PCNX1: variants seen among roughly 807,000 people sequenced by gnomAD.
PCNX1 encodes pecanex-like protein 1.
Under a neutral mutation model 242.2 loss-of-function variants are expected in PCNX1, and 78 were observed. The ratio of observed to expected loss-of-function variants is 0.32; its 90% confidence interval spans 0.27 to 0.39. PCNX1 has a LOEUF of 0.39. Among genes scored for constraint, PCNX1 ranks in the 10% least tolerant of loss-of-function variants. The probability of loss-of-function intolerance (pLI) is 1.00; values close to 1 mark genes in which losing one functional copy is unlikely to be tolerated. For missense variants in PCNX1, 2,581 were observed against 2,856.5 expected (o/e 0.90, Z 2.20); for synonymous variants, 1,024 against 1,032.9 (o/e 0.99, Z 0.17).
At chr14:71,004,628 G>C (rs12100745) in intron 8 of PCNX1, among the ~76,000 whole-genome samples, 16 of 152,254 alleles carry the variant, frequency 1.1e-4, no homozygotes, top group African/African-American at 3.9e-4. Flanking sequence ...TTGGGGGCCA[G>C]AAAGGTTGGG....
intron 1 of PCNX1, among the ~76,000 whole-genome samples, chr14:70,932,907 CG>C (rs2056860927): frequency 6.6e-6 from 1 of 152,056 alleles, no homozygotes; most frequent in Admixed American, 6.6e-5. Flanking sequence ...CCACCACGCC[CG>C]GCCAAGAAGT....
intron 30 of PCNX1, among the ~76,000 whole-genome samples, chr14:71,096,504 C>A (rs1416464283): frequency 6.6e-6 from 1 of 152,086 alleles, no homozygotes; most frequent in Non-Finnish European, 1.5e-5. Flanking sequence ...AATTACTATG[C>A]CTGTATCTGG....
intron 5 of PCNX1, among the ~76,000 whole-genome samples, chr14:70,974,879 A>T (rs117721202): frequency 0.012 from 1,769 of 152,338 alleles, 21 homozygotes; most frequent in Non-Finnish European, 0.02. Flanking sequence ...TATGGGTAAC[A>T]GTAAGAAAAA....
intron 1 of PCNX1, among the ~76,000 whole-genome samples, chr14:70,941,383 T>G (rs533038990): frequency 3.3e-5 from 5 of 152,336 alleles, no homozygotes; most frequent in African/African-American, 7.2e-5. Flanking sequence ...TATTGGAGTT[T>G]GCTGGAGGTC....
rs749537800 is a variant in PCNX1 at position 70,907,808 on chromosome 14, ACGGCGGCGGCGGCGG to A, written c.-37_-23del. ...AGGCCGAGCTGGGGCCGGGGCGGGG[ACGGCGGCGGCGGCGG>A]CGGCGACGGCGGCGGCGCCGGGTGG... is the stretch of plus-strand genomic sequence containing the variant. On this transcript the variant is annotated 5_prime_UTR_variant, in exon 1 of 36. Transcript: ENST00000304743. 132 of 1,216,740 alleles carry A rather than the reference ACGGCGGCGGCGGCGG, an allele frequency of 1.1e-4. 3 individuals carry two copies. The highest frequency in any genetic ancestry group is 1.3e-4 in the Non-Finnish European group (128 of 978,508). The allele number at this position is 1,216,740 out of a possible 1,614,324, so 75.4% of individuals were successfully genotyped here. A position where few individuals can be genotyped will look rare whatever the true frequency, so the allele number is the denominator to read the frequency against.
intron 5 of PCNX1, among the ~76,000 whole-genome samples, chr14:70,973,326 A>G (rs1054438349): frequency 1.3e-5 from 2 of 152,072 alleles, no homozygotes; most frequent in Non-Finnish European, 2.9e-5. Flanking sequence ...TAAGAAGTCC[A>G]GGAGACTGAG....
At chr14:70,912,680 CTG>C (rs1349887594) in intron 1 of PCNX1, among the ~76,000 whole-genome samples, 5 of 152,068 alleles carry the variant, frequency 3.3e-5, no homozygotes, top group Non-Finnish European at 5.9e-5. Flanking sequence ...AGACATAAAT[CTG>C]TGTCATTCTT....
In PCNX1 at chr14:71,114,353, CTG is replaced by C. The variant is rs2062812667; in HGVS notation, c.*4421_*4422del. 1 of 152,086 alleles carries C rather than the reference CTG, an allele frequency of 6.6e-6. No homozygotes were observed. The highest frequency in any genetic ancestry group is 1.5e-5 in the Non-Finnish European group (1 of 68,026). 9.4% of individuals were successfully genotyped at this position (152,086 alleles called of 1,614,324 possible). A position where few individuals can be genotyped will look rare whatever the true frequency, so the allele number is the denominator to read the frequency against. Reference sequence around the variant, plus strand: ...TTGTTAAATGTCTGTCTAGGAAGAACTGTGATTGGAAAGGAATTAATTATTAT... The same window carrying C: ...TTGTTAAATGTCTGTCTAGGAAGAACTGATTGGAAAGGAATTAATTATTAT... On this transcript the variant is annotated 3_prime_UTR_variant, in exon 36 of 36. Coordinates refer to ENST00000304743, the MANE Select transcript of PCNX1 (RefSeq NM_014982.3).
chr14:71,103,267 T>C (rs1453849879), intron 31 of PCNX1, 128 bp from the exon 32 acceptor site: 5 of 1,036,706 alleles, frequency 4.8e-6, no homozygotes, highest in South Asian at 3.1e-5. Context: ...GACCTACTTA[T>C]ATTTGTTCCC....
intron 8 of PCNX1, among the ~76,000 whole-genome samples, chr14:71,003,102 A>ATTTTTTTTTTTTTTTTTTTTT: frequency 3.5e-4 from 9 of 25,744 alleles, no homozygotes; most frequent in African/African-American, 2.5e-3. Context: ...TTTTTTTTTG[A>ATTTTTTTTTTTTTTTTTTTTT]GACAGAGTCT....
In PCNX1 at chr14:70,966,545, C is replaced by T. The variant is rs115684360; in HGVS notation, c.469-1653C>T. ...TTTTCCTGAAGCCCTCCAGCAGATT[C>T]TCCCACACGTTCATTCACCAGAACT... is the stretch of plus-strand genomic sequence containing the variant. On this transcript the variant is annotated intron_variant, in intron 3 of 35. Coordinates refer to ENST00000304743, the MANE Select transcript of PCNX1 (RefSeq NM_014982.3). Among the ~76,000 whole-genome samples the T allele has an allele frequency of 4.2e-3, 637 of 152,292 alleles. 7 individuals are homozygous for T. The highest frequency in any genetic ancestry group is 0.014 in the African/African-American group (585 of 41,560).
chr14:71,057,535 A>G lies in PCNX1; in HGVS notation c.4663A>G (p.Ile1555Val), dbSNP rs752322897. ...ATCAGATGACAACAATCTGAATTCC[A>G]TCTTTTATGAGCATTTAACTAGATC... ...PGSDDNNLNS[I>V]FYEHLTRSLQ... Residue 1555 changes from isoleucine (I) to valine (V), a missense_variant, in exon 26 of 36, where the codon ATC becomes GTC. Physicochemically the swap from Ile to Val is conservative, Grantham distance 29. Around this residue, in one of 9 missense-constraint regions of PCNX1, gnomAD observed 99 missense variants for 147.3 expected, o/e 0.67. Coordinates refer to ENST00000304743, the MANE Select transcript of PCNX1 (RefSeq NM_014982.3). 1.9e-6 allele frequency: 3 copies of G among 1,613,338 alleles called. No individual in the cohort carries two copies. The highest frequency in any genetic ancestry group is 1.7e-6 in the Non-Finnish European group (2 of 1,179,348).
intron 7 of PCNX1, among the ~76,000 whole-genome samples, chr14:70,994,415 A>G (rs958801379): frequency 1.5e-5 from 2 of 130,102 alleles, no homozygotes; most frequent in African/African-American, 5.8e-5. Flanking sequence ...ATATATATAT[A>G]TATATATATA....
chr14:71,011,577 G>T, intron 10 of PCNX1, 28 bp downstream of exon 10: 1 of 1,273,974 alleles, frequency 7.8e-7, no homozygotes, highest in Non-Finnish European at 1.1e-6. Flanking sequence ...TTTACAACAT[G>T]ATAAATTTTC....
intron 6 of PCNX1, among the ~76,000 whole-genome samples, chr14:70,988,084 A>G (rs575661121): frequency 8.5e-5 from 13 of 152,348 alleles, no homozygotes; most frequent in Admixed American, 3.9e-4. Context: ...ACTGTGAGAT[A>G]AACTTACTGC....
chr14:71,070,602 T>G (rs534759978), intron 26 of PCNX1, among the ~76,000 whole-genome samples: 39 of 152,316 alleles, frequency 2.6e-4, no homozygotes, highest in Non-Finnish European at 4.6e-4. Context: ...GTAGTAATAT[T>G]TGGAAAGGAA....
chr14:71,008,433 G>T (rs2059726384), intron 8 of PCNX1, among the ~76,000 whole-genome samples: 1 of 151,888 alleles, frequency 6.6e-6, no homozygotes. Context: ...GAGGCAGGTG[G>T]ATCATGAGGT....
intron 19 of PCNX1, among the ~76,000 whole-genome samples, chr14:71,041,411 T>G (rs960906096): frequency 4.6e-5 from 7 of 152,158 alleles, no homozygotes; most frequent in Non-Finnish European, 8.8e-5. Flanking sequence ...TTGGATTTCT[T>G]CATTTTTCAA....
Position 71,057,610 on chromosome 14 carries a change from T to A in PCNX1, c.4738T>A (p.Tyr1580Asn). The change falls in exon 26 of 36, where the codon TAC (tyrosine) becomes AAC (asparagine). Residue 1580 changes from tyrosine (Y) to asparagine (N), a missense_variant. By Grantham distance (143) the Tyr-to-Asn change is moderately radical (BLOSUM62 -2). Around this residue, in one of 9 missense-constraint regions of PCNX1, gnomAD observed 54 missense variants for 45.3 expected, o/e 1.19. Coordinates refer to ENST00000304743, the MANE Select transcript of PCNX1 (RefSeq NM_014982.3). ...GDLLLGRWGN[Y>N]STGDCFILAS... ...TTTGCTACTAGGACGGTGGGGAAACTACAGTACAGGGGACTGTTTCATCCT... is the reference window on the plus strand; with the variant it reads ...TTTGCTACTAGGACGGTGGGGAAACAACAGTACAGGGGACTGTTTCATCCT... 6.2e-7 allele frequency: 1 copy of A among 1,612,998 alleles called. No individual in the cohort carries two copies. Among genetic ancestry groups the A allele is most frequent in the Non-Finnish European group, 8.5e-7 (1 of 1,178,956 alleles).
Sources: allele counts gnomAD v4.1 joint callset (sites outside exome capture counted in the v4.1 genomes callset), GRCh38; gene constraint gnomAD v4.1.1; regional missense constraint gnomAD v4.1.1; transcripts MANE v1.5; gene names NCBI Gene and HGNC (gene_info 2026-07-23, HGNC 2026-07-21).